The following PTOV1 variants were observed in gnomAD, a reference collection of about 807,000 sequenced individuals.
The protein encoded by PTOV1 is prostate tumor-overexpressed gene 1 protein.
A neutral mutation model predicts 58.0 loss-of-function variants in PTOV1; 20 were observed. The ratio of observed to expected loss-of-function variants is 0.34; its 90% CI spans 0.24 to 0.50. PTOV1 has a LOEUF of 0.50. PTOV1 is among the 20% of genes least tolerant of loss of function. The probability of loss-of-function intolerance (pLI) is 0.98; values close to 1 mark genes in which losing one functional copy is unlikely to be tolerated. For synonymous variants in PTOV1, 335 were observed against 234.2 expected, an observed-to-expected ratio of 1.43 and a Z score of -3.93; for missense variants, 593 against 565.4, an observed-to-expected ratio of 1.05 and a Z score of -0.50.
At chr19:49,857,228 G>A (rs972981196) in intron 6 of PTOV1, 98 bp downstream of exon 6, 53 of 1,492,630 alleles carry the variant, frequency 3.6e-5, no homozygotes, top group South Asian at 3.1e-4. Context: ...AGTGTGATGC[G>A]ATGGCTGGAG....
chr19:49,852,361 C>T (rs1475009665), intron 1 of PTOV1: 3 of 152,376 alleles, frequency 2.0e-5, no homozygotes, highest in South Asian at 4.1e-4. Context: ...TAAACGTACC[C>T]CTTCACTCCA....
At chr19:49,851,992 G>T (rs922285778) in intron 1 of PTOV1, 17 of 985,320 alleles carry the variant, frequency 1.7e-5, no homozygotes, top group Admixed American at 6.1e-5. Context: ...TAGAATACGC[G>T]CCCGCGCCCA....
chr19:49,851,670 C>G, intron 1 of PTOV1, 171 bp downstream of exon 1: 1 of 1,111,724 alleles, frequency 9.0e-7, no homozygotes, highest in South Asian at 4.5e-5. Context: ...TGGTTCGCGC[C>G]GCGCTCTCCC....
At chr19:49,856,874 G>A (rs560552053) in intron 5 of PTOV1, 101 bp from the exon 6 acceptor site, 31 of 1,430,428 alleles carry the variant, frequency 2.2e-5, no homozygotes, top group East Asian at 1.8e-4. Context: ...TCTGTCCACC[G>A]ATGATCTCCC....
chr19:49,853,997 C>A (rs948442397), intron 1 of PTOV1, among the ~76,000 whole-genome samples: 1 of 152,214 alleles, frequency 6.6e-6, no homozygotes, highest in Non-Finnish European at 1.5e-5. Context: ...CAGCGCAAGC[C>A]GGCTTGTGCC....
At chr19:49,855,162 C>T (rs537695291) in intron 5 of PTOV1, 85 bp downstream of exon 5, 33 of 1,348,344 alleles carry the variant, frequency 2.4e-5, no homozygotes, top group South Asian at 5.0e-5. Flanking sequence ...AGGCGGGGGT[C>T]GGGGGGTCTC....
intron 6 of PTOV1, chr19:49,857,345 G>A (rs774368841): frequency 3.5e-5 from 24 of 677,370 alleles, no homozygotes; most frequent in Non-Finnish European, 5.2e-5. Flanking sequence ...GGGTCTTGGC[G>A]CGGCGGCAGG....
upstream of PTOV1, chr19:49,850,745 G>C: frequency 9.5e-7 from 1 of 1,057,320 alleles, no homozygotes; most frequent in Middle Eastern, 2.1e-4. Context: ...AGCTGTCTCA[G>C]GCTCGGGTGC....
upstream of PTOV1, chr19:49,851,085 C>G: frequency 6.9e-7 from 1 of 1,452,830 alleles, no homozygotes; most frequent in Non-Finnish European, 9.0e-7. Flanking sequence ...CCCGCTCCCC[C>G]GCGCCGCCTT....
At position 49,860,108 on chromosome 19, in the gene PTOV1, C is replaced by A. The variant is rs375764009; in HGVS notation, c.1164C>A (p.Asn388Lys). 4 of 1,614,102 alleles carry A rather than the reference C, an allele frequency of 2.5e-6. No individual in the cohort carries two copies. In the African/African-American group the frequency reaches 4.0e-5, roughly 16 times the overall value. ...CCCATGACCAGGGCAACTTTGTCAACGGCATCCGGCGTGTCATTGCCAACC... is the reference window on the plus strand; with the variant it reads ...CCCATGACCAGGGCAACTTTGTCAAAGGCATCCGGCGTGTCATTGCCAACC... The change falls in exon 11 of 12, where the codon AAC (asparagine) becomes AAA (lysine). Residue 388 changes from asparagine (N) to lysine (K), a missense_variant. By Grantham distance (94) the Asn-to-Lys change is moderately conservative. Coordinates refer to ENST00000391842, the Ensembl canonical transcript of PTOV1.
At chr19:49,856,926 C>T (rs1248289514) in intron 5 of PTOV1, 49 bp from the exon 6 acceptor site, 5 of 1,604,650 alleles carry the variant, frequency 3.1e-6, no homozygotes, top group Admixed American at 1.7e-5. Context: ...GGTGGGGGCA[C>T]AGTGGCCCCG....
chr19:49,851,245 C>T, exon 1 of PTOV1: 3 of 1,125,306 alleles, frequency 2.7e-6, no homozygotes, highest in Admixed American at 4.9e-5. Context: ...GCCGCGCGCC[C>T]GCGCCCGCGC....
At chr19:49,857,449 C>T in intron 6 of PTOV1, 1 of 608,052 alleles carries the variant, frequency 1.6e-6, no homozygotes, top group Non-Finnish European at 2.9e-6. Context: ...CATGCCTTGC[C>T]AGTTGAGGCA....
At chr19:49,857,522 T>TG (rs1343877927) in intron 6 of PTOV1, 171 bp from the exon 7 acceptor site, 4 of 672,890 alleles carry the variant, frequency 5.9e-6, no homozygotes, top group African/African-American at 3.6e-5. Flanking sequence ...TGGGGAGCCA[T>TG]GGGGGGCTGT....
intron 7 of PTOV1, 37 bp downstream of exon 7, chr19:49,857,819 G>T: frequency 6.2e-7 from 1 of 1,613,006 alleles, no homozygotes; most frequent in South Asian, 1.1e-5. Context: ...GGGACCCCCA[G>T]ATCCTCACGG....
At chr19:49,852,110 C>A in intron 1 of PTOV1, 1 of 977,096 alleles carries the variant, frequency 1.0e-6, no homozygotes, top group Non-Finnish European at 1.2e-6. Context: ...AAAAGATGCA[C>A]ATGCTTTTCA....
intron 10 of PTOV1, among the ~76,000 whole-genome samples, chr19:49,859,502 G>T (rs2074646900): frequency 6.6e-6 from 1 of 151,996 alleles, no homozygotes; most frequent in Admixed American, 6.5e-5. Flanking sequence ...AACCCGGGAG[G>T]CAGAGGTTGC....
At chr19:49,851,738 A>C (rs913768421) in intron 1 of PTOV1, 1 of 1,114,968 alleles carries the variant, frequency 9.0e-7, no homozygotes, top group Non-Finnish European at 1.1e-6. Context: ...GGGCGGGCTC[A>C]TATTACTGCT....
chr19:49,854,367 C>A, intron 1 of PTOV1, 39 bp from the exon 2 acceptor site: 3 of 1,583,800 alleles, frequency 1.9e-6, no homozygotes, highest in Non-Finnish European at 2.6e-6. Flanking sequence ...TTGCAGGCCC[C>A]GGCCTCAGTT....
Sources: allele counts gnomAD v4.1 joint callset (sites outside exome capture counted in the v4.1 genomes callset), GRCh38; gene constraint gnomAD v4.1.1; transcripts MANE v1.5; gene names NCBI Gene and HGNC (gene_info 2026-07-23, HGNC 2026-07-21).